The following COL23A1 variants were observed in gnomAD, a reference collection of about 807,000 sequenced individuals.
The protein encoded by COL23A1 is collagen alpha-1(XXIII) chain.
In COL23A1, 97 loss-of-function variants were observed where a neutral mutation model predicts 99.3. That is an observed-to-expected ratio of 0.98 (90% CI 0.83 to 1.16). The LOEUF (loss-of-function observed/expected upper bound fraction) is 1.16. Ranked by LOEUF, COL23A1 falls within the 50% of genes most tolerant of loss-of-function variation. COL23A1 has a pLI of 0.00. For synonymous variants in COL23A1, 320 were observed against 308.2 expected (o/e 1.04, Z -0.40); for missense variants, 762 against 757.4 (o/e 1.01, Z -0.07).
chr5:178,361,623 T>C (rs1762180480), intron 2 of COL23A1, among the ~76,000 whole-genome samples: 1 of 152,032 alleles, frequency 6.6e-6, no homozygotes, highest in Admixed American at 6.6e-5. Context: ...CATGTTTTCC[T>C]ACTGCCTCCA....
Position 178,463,075 on chromosome 5 carries a change from G to A in COL23A1, c.361+97607C>T, listed in dbSNP as rs1756212395. ...AGCAGATGGTTAGGTGCAATTTCAC[G>A]CCTCACCGCGCAGCGACACAAAGGG... On this transcript the variant is annotated intron_variant, in intron 2 of 28. Transcript: ENST00000390654. Among the ~76,000 whole-genome samples the A allele has an allele frequency of 2.0e-5, 3 of 152,216 alleles. No individual in the cohort carries two copies. In the South Asian group the frequency reaches 6.2e-4, roughly 32 times the overall value.
chr5:178,429,543 G>A lies in COL23A1; in HGVS notation c.362-122624C>T, dbSNP rs1208205683. On this transcript the variant is annotated intron_variant, in intron 2 of 28. Coordinates refer to ENST00000390654, the MANE Select transcript of COL23A1 (RefSeq NM_173465.4). ...TTAGCTTGTGTAAACTGTAGATTTA[G>A]TGAGTGGGAGATGAATGCAGAATTT... Among the ~76,000 whole-genome samples the A allele has an allele frequency of 2.6e-5, 4 of 152,220 alleles. No individual in the cohort carries two copies. The East Asian group carries it at 7.7e-4, about 29-fold the overall frequency.
chr5:178,273,095 C>G (rs1366709408), intron 5 of COL23A1, among the ~76,000 whole-genome samples: 1 of 152,232 alleles, frequency 6.6e-6, no homozygotes, highest in Non-Finnish European at 1.5e-5. Context: ...CTCTCCTGCT[C>G]TAGGCCTCGG....
intron 2 of COL23A1, among the ~76,000 whole-genome samples, chr5:178,324,694 G>A (rs1036371955): frequency 2.6e-5 from 4 of 152,306 alleles, no homozygotes; most frequent in African/African-American, 9.6e-5. Context: ...TGCCACAAGC[G>A]CGCACCCAGC....
chr5:178,317,776 TAAAG>T (rs1309561818), intron 2 of COL23A1, among the ~76,000 whole-genome samples: 1 of 152,084 alleles, frequency 6.6e-6, no homozygotes, highest in African/African-American at 2.4e-5. Context: ...GGGCAATTTA[TAAAG>T]AAAGAGAGGG....
intron 2 of COL23A1, among the ~76,000 whole-genome samples, chr5:178,381,272 G>A (rs1763367738): frequency 6.6e-6 from 1 of 152,252 alleles, no homozygotes; most frequent in Non-Finnish European, 1.5e-5. Flanking sequence ...TCCTCAGGAT[G>A]TAGGGAAGTG....
chr5:178,356,192 C>T (rs1400201050), intron 2 of COL23A1, among the ~76,000 whole-genome samples: 2 of 152,026 alleles, frequency 1.3e-5, no homozygotes, highest in Admixed American at 1.3e-4. Context: ...AGAGGAGTGG[C>T]CGCCTGGGGT....
chr5:178,471,849 C>T (rs1012548575), intron 2 of COL23A1, among the ~76,000 whole-genome samples: 3 of 152,182 alleles, frequency 2.0e-5, no homozygotes, highest in Non-Finnish European at 4.4e-5. Flanking sequence ...CCCCTCCCTT[C>T]CCACAGTCCA....
At chr5:178,272,028 C>T (rs1756319098) in intron 5 of COL23A1, among the ~76,000 whole-genome samples, 1 of 152,220 alleles carries the variant, frequency 6.6e-6, no homozygotes, top group Admixed American at 6.5e-5. Flanking sequence ...CATCAGGGTC[C>T]TCTGTGGTTA....
At chr5:178,386,257 G>A (rs977613996) in intron 2 of COL23A1, among the ~76,000 whole-genome samples, 13 of 152,060 alleles carry the variant, frequency 8.5e-5, no homozygotes, top group African/African-American at 3.1e-4. Context: ...TGGGCAACAC[G>A]GTGAAACCCC....
At chr5:178,250,272 G>A (rs1346900598) in intron 17 of COL23A1, among the ~76,000 whole-genome samples, 167 bp from the exon 18 acceptor site, 2 of 152,220 alleles carry the variant, frequency 1.3e-5, no homozygotes, top group Non-Finnish European at 2.9e-5. Flanking sequence ...AGCCCATCAC[G>A]AGCAGATGTA....
At chr5:178,457,466 C>A (rs1034758073) in intron 2 of COL23A1, among the ~76,000 whole-genome samples, 2 of 152,166 alleles carry the variant, frequency 1.3e-5, no homozygotes, top group Non-Finnish European at 2.9e-5. Context: ...CCGCCCATCT[C>A]GGCCTCCCAA....
intron 2 of COL23A1, among the ~76,000 whole-genome samples, chr5:178,421,271 G>A (rs570126544): frequency 3.3e-4 from 50 of 152,268 alleles, no homozygotes; most frequent in South Asian, 1.7e-3. Flanking sequence ...AGAGCAACAC[G>A]TAACTGGGCA....
At chr5:178,257,397 C>G in intron 13 of COL23A1, 126 bp downstream of exon 13, 1 of 1,133,516 alleles carries the variant, frequency 8.8e-7, no homozygotes, top group Non-Finnish European at 1.3e-6. Flanking sequence ...TGCCTCTCTC[C>G]GGCCTGCGCT....
chr5:178,261,015 G>C (rs1765598437), intron 11 of COL23A1, among the ~76,000 whole-genome samples: 1 of 128,108 alleles, frequency 7.8e-6, no homozygotes, highest in Non-Finnish European at 1.7e-5. Context: ...CACACAGGTG[G>C]GTCATCTGTA....
chr5:178,454,325 T>G (rs1767651448), intron 2 of COL23A1, among the ~76,000 whole-genome samples: 1 of 152,176 alleles, frequency 6.6e-6, no homozygotes, highest in Non-Finnish European at 1.5e-5. Flanking sequence ...GCAACTCAGA[T>G]CAAAAAGTGA....
At chr5:178,278,886 G>C (rs567407046) in intron 5 of COL23A1, among the ~76,000 whole-genome samples, 57 of 152,324 alleles carry the variant, frequency 3.7e-4, no homozygotes, top group African/African-American at 1.4e-3. Flanking sequence ...AATGAGAGCA[G>C]CTGTGACGCG....
At chr5:178,507,800 G>A (rs1226407733) in intron 2 of COL23A1, among the ~76,000 whole-genome samples, 1 of 152,200 alleles carries the variant, frequency 6.6e-6, no homozygotes, top group Non-Finnish European at 1.5e-5. Context: ...TGTTGATGTG[G>A]ATTTCTTTTT....
At chr5:178,283,386 A>G (rs1756998758) in intron 5 of COL23A1, among the ~76,000 whole-genome samples, 2 of 152,106 alleles carry the variant, frequency 1.3e-5, no homozygotes, top group African/African-American at 4.8e-5. Flanking sequence ...TGACCTGTGC[A>G]CTTGCTTTTT....
Sources: allele counts gnomAD v4.1 joint callset (sites outside exome capture counted in the v4.1 genomes callset), GRCh38; gene constraint gnomAD v4.1.1; transcripts MANE v1.5; gene names NCBI Gene and HGNC (gene_info 2026-07-23, HGNC 2026-07-21).